The following ZNF329 variants were observed in gnomAD, a reference collection of about 807,000 sequenced individuals.
ZNF329 encodes zinc finger protein 329.
Under a neutral mutation model 26.6 loss-of-function variants are expected in ZNF329, and 15 were observed. The ratio of observed to expected loss-of-function variants is 0.56; its 90% CI spans 0.38 to 0.87. The LOEUF (loss-of-function observed/expected upper bound fraction) is 0.87, where lower values mean the gene tolerates loss of function less well. Among genes scored for constraint, ZNF329 ranks in the 40% least tolerant of loss-of-function variants. The pLI is 0.00. For synonymous variants in ZNF329, 239 were observed against 233.5 expected, an observed-to-expected ratio of 1.02 and a Z score of -0.21; for missense variants, 651 against 651.9, an observed-to-expected ratio of 1.00 and a Z score of 0.02.
chr19:58,140,855 T>C (rs116353178), intron 3 of ZNF329, among the ~76,000 whole-genome samples: 2,232 of 150,090 alleles, frequency 0.015, 49 homozygotes, highest in African/African-American at 0.051. Context: ...GGGACCACAG[T>C]TGCACACCAT....
chr19:58,149,352 A>G (rs1210439921), intron 1 of ZNF329, among the ~76,000 whole-genome samples: 1 of 151,660 alleles, frequency 6.6e-6, no homozygotes. Context: ...CTTTCACTTT[A>G]CTCTATGGAC....
At chr19:58,139,336 T>C (rs1600075869) in intron 3 of ZNF329, among the ~76,000 whole-genome samples, 2 of 152,208 alleles carry the variant, frequency 1.3e-5, no homozygotes, top group East Asian at 3.8e-4. Flanking sequence ...ACCCAATTTT[T>C]AGAAATGGGC....
chr19:58,149,118 T>A (rs1484189713), intron 1 of ZNF329, among the ~76,000 whole-genome samples: 1 of 152,174 alleles, frequency 6.6e-6, no homozygotes, highest in Non-Finnish European at 1.5e-5. Context: ...GCAACGAGAG[T>A]GACCTCTGGT....
intron 3 of ZNF329, among the ~76,000 whole-genome samples, chr19:58,133,497 G>A (rs187616317): frequency 6.6e-6 from 1 of 152,004 alleles, no homozygotes; most frequent in East Asian, 1.9e-4. Context: ...TGAAGTAGGA[G>A]AATTGCTTGA....
At chr19:58,151,308 T>C (rs1194773797), upstream of ZNF329, among the ~76,000 whole-genome samples, 2 of 152,186 alleles carry the variant, frequency 1.3e-5, no homozygotes, top group African/African-American at 2.4e-5. Context: ...AAATATTTAC[T>C]GACAGGGAAG....
At chr19:58,153,163 G>A (rs1488103692), upstream of ZNF329, among the ~76,000 whole-genome samples, 1 of 152,076 alleles carries the variant, frequency 6.6e-6, no homozygotes, top group Non-Finnish European at 1.5e-5. Context: ...AGGCTGGAGT[G>A]CAGTGACAAG....
Position 58,144,380 on chromosome 19 carries a change from C to A in ZNF329, c.-207-1182G>T, listed in dbSNP as rs537601499. ...TCTATCTATCTATCTATCTATCTAT[C>A]TATATATATATATATATTTTTTTTT... On this transcript the variant is annotated intron_variant, in intron 1 of 3. Transcript: ENST00000598312. 2.8e-3 allele frequency among the ~76,000 whole-genome samples: 185 copies of A among 66,758 alleles called. No individual in the cohort carries two copies. In the Middle Eastern group the frequency reaches 0.031, roughly 11 times the overall value. 43.8% of individuals were successfully genotyped at this position (66,758 alleles called of 152,430 possible). A position where few individuals can be genotyped will look rare whatever the true frequency, so the allele number is the denominator to read the frequency against.
At chr19:58,137,244 G>A (rs937294198) in intron 3 of ZNF329, among the ~76,000 whole-genome samples, 1 of 152,032 alleles carries the variant, frequency 6.6e-6, no homozygotes, top group Non-Finnish European at 1.5e-5. Context: ...GGAGGTAGAA[G>A]GAAAGTGTTA....
intron 1 of ZNF329, among the ~76,000 whole-genome samples, chr19:58,147,405 G>T (rs533376252): frequency 6.7e-6 from 1 of 149,316 alleles, no homozygotes; most frequent in Non-Finnish European, 1.5e-5. Context: ...CAGCCACCCC[G>T]TCCAGGAGGG....
rs2074811731 is a variant in ZNF329 at position 58,126,821 on chromosome 19, T to C, written c.*1057A>G. The stretch of plus-strand genomic sequence containing the variant: ...GGCACACACTACTATGCCCAGATAA[T>C]TTCCTGTATTTTTGGTAGAGATGGG... On this transcript the variant is annotated 3_prime_UTR_variant, in exon 4 of 4. Transcript: ENST00000598312. The C allele has an allele frequency of 6.6e-6, 1 of 152,210 alleles. No homozygotes were observed. The highest frequency in any genetic ancestry group is 1.5e-5 in the Non-Finnish European group (1 of 68,052). The allele number at this position is 152,210 out of a possible 1,614,324, so 9.4% of individuals were successfully genotyped here. A position where few individuals can be genotyped will look rare whatever the true frequency, so the allele number is the denominator to read the frequency against.
At chr19:58,135,056 T>G (rs920524390) in intron 3 of ZNF329, among the ~76,000 whole-genome samples, 11 of 151,346 alleles carry the variant, frequency 7.3e-5, no homozygotes, top group African/African-American at 1.5e-4. Context: ...TTTTTTGAGG[T>G]TTTTTTTTCT....
chr19:58,146,882 G>A (rs891891397), intron 1 of ZNF329, among the ~76,000 whole-genome samples: 1 of 151,812 alleles, frequency 6.6e-6, no homozygotes, highest in Non-Finnish European at 1.5e-5. Context: ...GAGTGCAGTG[G>A]CGTGATCTTG....
intron 3 of ZNF329, among the ~76,000 whole-genome samples, chr19:58,138,859 T>A (rs2075125993): frequency 6.6e-6 from 1 of 151,666 alleles, no homozygotes; most frequent in South Asian, 2.1e-4. Context: ...TAGCTAGGCA[T>A]GGTGGTGCAC....
intron 3 of ZNF329, among the ~76,000 whole-genome samples, chr19:58,140,506 G>A (rs1034844827): frequency 3.3e-5 from 5 of 149,264 alleles, no homozygotes; most frequent in Middle Eastern, 3.5e-3. Context: ...TCCGTCTCCC[G>A]GGTTCACGCC....
intron 1 of ZNF329, among the ~76,000 whole-genome samples, chr19:58,146,156 C>G (rs1225184719): frequency 6.6e-6 from 1 of 152,052 alleles, no homozygotes; most frequent in African/African-American, 2.4e-5. Flanking sequence ...CAAACTATAT[C>G]AGACAGGAAT....
At chr19:58,129,832 C>T (rs888962960) in intron 3 of ZNF329, among the ~76,000 whole-genome samples, 22 of 152,204 alleles carry the variant, frequency 1.4e-4, no homozygotes, top group African/African-American at 5.3e-4. Flanking sequence ...GAATTCCATC[C>T]CAGCCACTGC....
chr19:58,131,740 T>C lies in ZNF329; in HGVS notation c.-8-2229A>G, dbSNP rs59642084. Among the ~76,000 whole-genome samples, 918 of 151,914 alleles carry C rather than the reference T, an allele frequency of 6.0e-3. 17 individuals carry two copies. Among genetic ancestry groups the C allele is most frequent in the African/African-American group, 0.021 (856 of 41,444 alleles). On this transcript the variant is annotated intron_variant, in intron 3 of 3. Coordinates refer to ENST00000598312, the MANE Select transcript of ZNF329 (RefSeq NM_024620.4). ...GGAAAATAGAAATGTCCTGAAAACA[T>C]TGGCTGGGAGCAGTGGGTCACGCCT...
upstream of ZNF329, among the ~76,000 whole-genome samples, chr19:58,151,750 T>C (rs577292973): frequency 7.2e-5 from 11 of 152,328 alleles, no homozygotes; most frequent in East Asian, 1.7e-3. Flanking sequence ...CAGAGATTGA[T>C]ACATAAGTAG....
intron 3 of ZNF329, chr19:58,137,060 A>T (rs74992145): frequency 0.034 from 3,664 of 106,484 alleles, 155 homozygotes; most frequent in African/African-American, 0.15. Context: ...AGTACAGATA[A>T]AAAAAAAAAA....
Sources: allele counts gnomAD v4.1 joint callset (sites outside exome capture counted in the v4.1 genomes callset), GRCh38; gene constraint gnomAD v4.1.1; transcripts MANE v1.5; gene names NCBI Gene and HGNC (gene_info 2026-07-23, HGNC 2026-07-21).